The following MARCHF11 variants were observed in gnomAD, a reference collection of about 807,000 sequenced individuals.
The protein encoded by MARCHF11 is membrane associated ring-CH-type finger 11, also known as E3 ubiquitin-protein ligase MARCHF11.
MARCHF11 carries 29 observed loss-of-function variants against 37.3 expected under a neutral mutation model. The ratio of observed to expected loss-of-function variants is 0.78; its 90% CI spans 0.58 to 1.06. The LOEUF is 1.06. MARCHF11 is among the 50% of genes least tolerant of loss of function. The probability of loss-of-function intolerance (pLI) is 0.00; values close to 1 mark genes in which losing one functional copy is unlikely to be tolerated. For synonymous variants in MARCHF11, 233 were observed against 228.0 expected (o/e 1.02, Z -0.20); for missense variants, 482 against 533.4 (o/e 0.90, Z 0.95).
rs148255858 is a variant in MARCHF11, at chr5:16,121,072, A to T, written c.694-29991T>A. ...CCCGCACACTGACTTCCTTACTGTT[A>T]AATAAATACAAGTATATTTTGCACT... is the stretch of plus-strand genomic sequence containing the variant. On this transcript the variant is annotated intron_variant, in intron 2 of 3. Transcript: ENST00000332432. Among the ~76,000 whole-genome samples the T allele has an allele frequency of 1.1e-3, 172 of 152,362 alleles. 2 individuals carry two copies. Among genetic ancestry groups the T allele is most frequent in the African/African-American group, 4.0e-3 (166 of 41,594 alleles).
chr5:16,088,720 T>C (rs960951607), intron 3 of MARCHF11, among the ~76,000 whole-genome samples: 1 of 152,082 alleles, frequency 6.6e-6, no homozygotes, highest in Non-Finnish European at 1.5e-5. Context: ...CCAAGTAAAA[T>C]AAACAATGTT....
intron 2 of MARCHF11, among the ~76,000 whole-genome samples, chr5:16,158,149 T>C (rs958896990): frequency 1.3e-5 from 2 of 151,876 alleles, no homozygotes; most frequent in Non-Finnish European, 2.9e-5. Flanking sequence ...CCTGTTAGAA[T>C]GGCTATTGTC....
intron 2 of MARCHF11, among the ~76,000 whole-genome samples, chr5:16,122,624 A>G (rs1737329713): frequency 6.6e-6 from 1 of 152,156 alleles, no homozygotes; most frequent in Admixed American, 6.5e-5. Flanking sequence ...CCCTTGTGCA[A>G]TCCTGTGGTT....
chr5:16,097,365 A>C (rs1406750480), intron 2 of MARCHF11, among the ~76,000 whole-genome samples: 1 of 152,220 alleles, frequency 6.6e-6, no homozygotes, highest in Non-Finnish European at 1.5e-5. Flanking sequence ...GCATTTTCAC[A>C]AACTTATCAG....
At chr5:16,130,897 A>G (rs16868124) in intron 2 of MARCHF11, among the ~76,000 whole-genome samples, 2 of 152,218 alleles carry the variant, frequency 1.3e-5, no homozygotes, top group Admixed American at 1.3e-4. Context: ...TCTGACACAA[A>G]TTATTTTAAT....
chr5:16,166,993 TGTTCATTTACTTATGAACATACAAC>T (rs1399894900), intron 2 of MARCHF11, among the ~76,000 whole-genome samples: 1 of 148,366 alleles, frequency 6.7e-6, no homozygotes, highest in African/African-American at 2.4e-5. Context: ...CATACAACGA[TGTTCATTTACTTATGAACATACAAC>T]GATGTTCATT....
intron 2 of MARCHF11, among the ~76,000 whole-genome samples, chr5:16,172,427 G>A (rs1738285285): frequency 6.6e-6 from 1 of 152,058 alleles, no homozygotes; most frequent in South Asian, 2.1e-4. Flanking sequence ...TTCAGCCACG[G>A]TAATAAAACA....
chr5:16,149,570 T>C (rs1321562385), intron 2 of MARCHF11, among the ~76,000 whole-genome samples: 2 of 152,076 alleles, frequency 1.3e-5, no homozygotes, highest in Non-Finnish European at 2.9e-5. Flanking sequence ...TCACCCTGTG[T>C]TCATGCCCTT....
In MARCHF11 at chr5:16,119,096, CTAATGCCTG is replaced by C. The variant is rs374265149; in HGVS notation, c.694-28024_694-28016del. Reference sequence around the variant, plus strand: ...AAGGAAGAGTGACAGGGCGCAGTGGCTAATGCCTGTAATCCCAGCACTTTGGGAGGCCGA... The same window carrying C: ...AAGGAAGAGTGACAGGGCGCAGTGGCTAATCCCAGCACTTTGGGAGGCCGA... On this transcript the variant is annotated intron_variant, in intron 2 of 3. Transcript: ENST00000332432. 1.1e-3 allele frequency among the ~76,000 whole-genome samples: 172 copies of C among 152,250 alleles called. 2 individuals are homozygous for C. Among genetic ancestry groups the C allele is most frequent in the African/African-American group, 4.0e-3 (166 of 41,548 alleles).
intron 2 of MARCHF11, among the ~76,000 whole-genome samples, chr5:16,148,085 T>C (rs1217156397): frequency 2.0e-5 from 3 of 152,148 alleles, no homozygotes; most frequent in African/African-American, 7.2e-5. Context: ...TTTTATATTA[T>C]GCACTTTGGG....
At chr5:16,113,154 T>G (rs1000988096) in intron 2 of MARCHF11, among the ~76,000 whole-genome samples, 4 of 152,178 alleles carry the variant, frequency 2.6e-5, no homozygotes, top group Admixed American at 2.6e-4. Context: ...CAAAATAAAC[T>G]TGGCTCCAGC....
intron 2 of MARCHF11, among the ~76,000 whole-genome samples, chr5:16,150,169 A>T (rs1168437593): frequency 6.7e-6 from 1 of 149,400 alleles, no homozygotes; most frequent in South Asian, 2.1e-4. Flanking sequence ...TCTGTGGGTC[A>T]TTCCTTAATG....
At chr5:16,124,891 T>A (rs1161464201) in intron 2 of MARCHF11, among the ~76,000 whole-genome samples, 1 of 151,340 alleles carries the variant, frequency 6.6e-6, no homozygotes, top group African/African-American at 2.4e-5. Context: ...AATATGTAAA[T>A]CCATACTTCT....
chr5:16,104,444 T>C (rs1737004376), intron 2 of MARCHF11, among the ~76,000 whole-genome samples: 1 of 152,196 alleles, frequency 6.6e-6, no homozygotes, highest in Non-Finnish European at 1.5e-5. Context: ...AATTGTACAC[T>C]TAAAATGGGG....
chr5:16,081,916 G>T (rs1348867170), intron 3 of MARCHF11, among the ~76,000 whole-genome samples: 2 of 152,162 alleles, frequency 1.3e-5, no homozygotes, highest in South Asian at 2.1e-4. Context: ...GCAAAAACAA[G>T]TTCCCTTCTA....
intron 2 of MARCHF11, among the ~76,000 whole-genome samples, chr5:16,125,712 T>C (rs964119997): frequency 6.6e-6 from 1 of 151,494 alleles, no homozygotes; most frequent in African/African-American, 2.4e-5. Context: ...AAGGGGCCCA[T>C]GTCAAGAAGC....
rs574097597 is a variant in MARCHF11 at position 16,177,578 on chromosome 5, T to C, written c.693+148A>G. ...ATGTCATGGCTTTCTCAAAAACACA[T>C]GTTTACAAATTCTAAATCTTGGTTT... On this transcript the variant is annotated intron_variant, in intron 2 of 3. Coordinates refer to ENST00000332432, the MANE Select transcript of MARCHF11 (RefSeq NM_001102562.3). The C allele has an allele frequency of 3.7e-4, 205 of 555,474 alleles. No homozygotes were observed. In the East Asian group the frequency reaches 7.0e-3, roughly 19 times the overall value. 34.4% of individuals were successfully genotyped at this position (555,474 alleles called of 1,614,324 possible). A position where few individuals can be genotyped will look rare whatever the true frequency, so the allele number is the denominator to read the frequency against.
intron 2 of MARCHF11, among the ~76,000 whole-genome samples, chr5:16,101,778 C>CT (rs1160923726): frequency 6.6e-6 from 1 of 152,202 alleles, no homozygotes; most frequent in Non-Finnish European, 1.5e-5. Context: ...TTCAACCTTG[C>CT]TTTTGGAGCA....
chr5:16,134,596 AAAC>A (rs1342214641), intron 2 of MARCHF11, among the ~76,000 whole-genome samples: 1 of 152,204 alleles, frequency 6.6e-6, no homozygotes, highest in Non-Finnish European at 1.5e-5. Flanking sequence ...TTTTGAAATA[AAAC>A]AACAGAAGAA....
Sources: allele counts gnomAD v4.1 joint callset (sites outside exome capture counted in the v4.1 genomes callset), GRCh38; gene constraint gnomAD v4.1.1; transcripts MANE v1.5; gene names NCBI Gene and HGNC (gene_info 2026-07-23, HGNC 2026-07-21).